RET: variants seen among roughly 807,000 people sequenced by gnomAD.
The protein encoded by RET is proto-oncogene tyrosine-protein kinase receptor Ret.
Under a neutral mutation model 118.3 loss-of-function variants are expected in RET, and 19 were observed. That is an observed-to-expected ratio of 0.16 (90% CI 0.11 to 0.24). The LOEUF (loss-of-function observed/expected upper bound fraction) is 0.24. Ranked by LOEUF, RET falls within the 10% of genes least tolerant of loss-of-function variation. The pLI is 1.00. For synonymous variants in RET, 597 were observed against 644.1 expected, an observed-to-expected ratio of 0.93 and a Z score of 1.11; for missense variants, 1,219 against 1,502.1, an observed-to-expected ratio of 0.81 and a Z score of 3.12.
Position 43,113,588 on chromosome 10 carries a change from G to A in RET, c.1792G>A (p.Glu598Lys), listed in dbSNP as rs2132827786. The change falls in exon 10 of 20, where the codon GAG becomes AAG. Residue 598 changes from glutamate to lysine, a missense_variant. Transcript: ENST00000355710. The stretch of plus-strand genomic sequence containing the variant: ...CATTGTTGGGGGACACGAGCCTGGG[G>A]AGCCCCGGGGGATTAAAGCTGGCTA... ...GSIVGGHEPG[E>K]PRGIKAGYGT... The A allele has an allele frequency of 1.9e-6, 3 of 1,611,502 alleles. No homozygotes were observed. The highest frequency in any genetic ancestry group is 2.5e-6 in the Non-Finnish European group (3 of 1,179,274).
In RET at chr10:43,100,461, G is replaced by T. The variant is rs1554817350; in HGVS notation, c.76G>T (p.Ala26Ser). 6.2e-7 allele frequency: 1 copy of T among 1,613,332 alleles called. No homozygotes were observed. Among genetic ancestry groups the T allele is most frequent in the Non-Finnish European group, 8.5e-7 (1 of 1,179,986 alleles). The change falls in exon 2 of 20, where the codon GCA becomes TCA. Residue 26 changes from alanine to serine, a missense_variant and splice_region_variant. This residue lies in a region of RET where 38 missense variants were observed against 33.1 expected (regional missense o/e 1.15). Coordinates refer to ENST00000355710, the MANE Select transcript of RET (RefSeq NM_020975.6). ...ACTCACTTCCCTACTTCCCACAGTG[G>T]CATTGGGCCTCTACTTCTCGAGGGA... The part of the protein sequence containing the change: ...LLLLPLLGKV[A>S]LGLYFSRDAY...
At chr10:43,102,653 G>A (rs771785904) in intron 3 of RET, 24 bp downstream of exon 3, 16 of 1,613,010 alleles carry the variant, frequency 9.9e-6, no homozygotes, top group Admixed American at 3.3e-5. Flanking sequence ...TTGTGGGGCC[G>A]CCCCACAGTG....
intron 1 of RET, among the ~76,000 whole-genome samples, chr10:43,099,017 G>A (rs1352441202): frequency 6.6e-6 from 1 of 152,132 alleles, no homozygotes; most frequent in Non-Finnish European, 1.5e-5. Context: ...CACCGACAAT[G>A]TACATGAGTT....
rs3026780 is a variant in RET at position 43,123,414 on chromosome 10, G to A, written c.2802-257G>A. On this transcript the variant is annotated intron_variant, in intron 16 of 19. Transcript: ENST00000355710. The stretch of plus-strand genomic sequence containing the variant: ...CTTAAGCCTCATGTGTCCCTTGTGC[G>A]TGTGGCTGCTCTGATGGGAGTGGCT... Among the ~76,000 whole-genome samples, 676 of 152,274 alleles carry A rather than the reference G, an allele frequency of 4.4e-3. 3 individuals carry two copies. Among genetic ancestry groups the A allele is most frequent in the Non-Finnish European group, 8.1e-3 (552 of 68,018 alleles).
At chr10:43,078,363 A>C (rs969864857) in intron 1 of RET, among the ~76,000 whole-genome samples, 1 of 152,186 alleles carries the variant, frequency 6.6e-6, no homozygotes, top group Non-Finnish European at 1.5e-5. Context: ...AGAAGAAGCC[A>C]TGGTCAGTCA....
At chr10:43,078,297 G>A (rs1588849315) in intron 1 of RET, among the ~76,000 whole-genome samples, 1 of 152,180 alleles carries the variant, frequency 6.6e-6, no homozygotes, top group Admixed American at 6.5e-5. Flanking sequence ...AAGGAGCCCT[G>A]GCCATCCTCC....
chr10:43,130,231 T>C lies in RET; in HGVS notation c.*1962T>C. On this transcript the variant is annotated 3_prime_UTR_variant, in exon 20 of 20. Coordinates refer to ENST00000355710, the MANE Select transcript of RET (RefSeq NM_020975.6). The stretch of plus-strand genomic sequence containing the variant: ...TTACTGAGTATTAAGTAGTAATCTG[T>C]CAGTTATTAAAATTTGTAAAATCTA... 1 of 391,340 alleles carries C rather than the reference T, an allele frequency of 2.6e-6. No individual in the cohort carries two copies. The allele number at this position is 391,340 out of a possible 1,614,324, so 24.2% of individuals were successfully genotyped here.
At position 43,119,735 on chromosome 10, in the gene RET, C is replaced by A. The variant is rs2132951317; in HGVS notation, c.2597C>A (p.Ala866Asp). Residue 866 changes from alanine (A) to aspartate (D), a missense_variant, in exon 14 of 20, where the codon GCC (alanine) becomes GAC (aspartate). By Grantham distance (126) the Ala-to-Asp change is moderately radical. Transcript: ENST00000355710. ...ATCTCACAGGGGATGCAGTATCTGG[C>A]CGAGATGAAGGTGCGTGCATATGGC... ...WQISQGMQYL[A>D]EMKLVHRDLA... is the part of the protein sequence containing the mutation. 6.2e-7 allele frequency: 1 copy of A among 1,613,212 alleles called. No homozygotes were observed.
At chr10:43,102,125 ATG>A (rs1011942508) in intron 2 of RET, among the ~76,000 whole-genome samples, 1 of 152,234 alleles carries the variant, frequency 6.6e-6, no homozygotes, top group African/African-American at 2.4e-5. Context: ...CAAGAACTGA[ATG>A]ATGAGAGCTA....
At chr10:43,125,167 G>A (rs868393106) in intron 18 of RET, among the ~76,000 whole-genome samples, 185 bp downstream of exon 18, 42 of 152,320 alleles carry the variant, frequency 2.8e-4, no homozygotes, top group African/African-American at 8.7e-4. Context: ...AGGCCAGGCC[G>A]CTTGGGCTTC....
chr10:43,109,067 A>G lies in RET; in HGVS notation c.1100A>G (p.Asn367Ser), dbSNP rs763759702. 1.2e-6 allele frequency: 2 copies of G among 1,613,686 alleles called. No individual in the cohort carries two copies. The highest frequency in any genetic ancestry group is 1.7e-6 in the Non-Finnish European group (2 of 1,180,010). The change falls in exon 6 of 20, where the codon AAC becomes AGC. Residue 367 changes from asparagine to serine, a missense_variant. By Grantham distance (46) the Asn-to-Ser change is conservative (BLOSUM62 1). Transcript: ENST00000355710. The stretch of plus-strand genomic sequence containing the variant: ...AACCGGAACCTCTCCATCTCGGAGA[A>G]CCGCACCATGCAGCTGGCGGTGCTG... ...VLNRNLSISE[N>S]RTMQLAVLVN...
intron 16 of RET, among the ~76,000 whole-genome samples, chr10:43,122,312 C>T (rs560137569): frequency 6.6e-6 from 1 of 152,212 alleles, no homozygotes; most frequent in Admixed American, 6.5e-5. Context: ...CCATGCCTCC[C>T]TCTGGGTCCC....
chr10:43,119,818 C>T (rs1167090338), intron 14 of RET, 73 bp downstream of exon 14: 1 of 1,486,820 alleles, frequency 6.7e-7, no homozygotes, highest in East Asian at 2.4e-5. Context: ...CCCTGCCACC[C>T]ACACCCTGGC....
chr10:43,109,266 G>T, intron 6 of RET, 36 bp downstream of exon 6: 1 of 1,600,304 alleles, frequency 6.2e-7, no homozygotes. Flanking sequence ...GGGGAAGATT[G>T]AAAGGCCAAG....
Position 43,102,586 on chromosome 10 carries a change from G to A in RET, c.582G>A (p.Gln194=), listed in dbSNP as rs368116579. Residue 194 remains glutamine, a synonymous_variant, in exon 3 of 20, where the codon CAG becomes CAA. Coordinates refer to ENST00000355710, the MANE Select transcript of RET (RefSeq NM_020975.6). ...TFHQFRLLPV[Q]FLCPNISVAY... ...ACCAGTTCCGCCTGCTGCCTGTGCA[G>A]TTCTTGTGCCCCAACATCAGCGTGG... 26 of 1,614,114 alleles carry A rather than the reference G, an allele frequency of 1.6e-5. No individual in the cohort carries two copies. Among genetic ancestry groups the A allele is most frequent in the South Asian group, 7.7e-5 (7 of 91,086 alleles).
intron 1 of RET, among the ~76,000 whole-genome samples, chr10:43,079,490 G>A (rs1015376897): frequency 1.3e-5 from 2 of 152,224 alleles, no homozygotes; most frequent in Non-Finnish European, 2.9e-5. Flanking sequence ...GCATTTCATT[G>A]CTCAACACAG....
In RET at chr10:43,118,492, T is replaced by C. The variant is rs2132932686; in HGVS notation, c.2392+12T>C. ...CTGCAGCCAGGATGGTAAGGCCAGC[T>C]GCAGGGTGAGGTGGGCAGCCACTGC... On this transcript the variant is annotated intron_variant, in intron 13 of 19. Transcript: ENST00000355710. The C allele has an allele frequency of 6.2e-7, 1 of 1,606,150 alleles. No individual in the cohort carries two copies. Among genetic ancestry groups the C allele is most frequent in the East Asian group, 2.2e-5 (1 of 44,856 alleles).
At chr10:43,077,511 A>ACGCCTCGGGCCGGG (rs1206313197) in intron 1 of RET, among the ~76,000 whole-genome samples, 180 bp downstream of exon 1, 3 of 107,630 alleles carry the variant, frequency 2.8e-5, no homozygotes, top group South Asian at 3.2e-4. Flanking sequence ...GAAGGGCAGG[A>ACGCCTCGGGCCGGG]CGCCTCGGGC....
At position 43,088,180 on chromosome 10, in the gene RET, ATGG is replaced by A. The variant is rs1166873056; in HGVS notation, c.73+10858_73+10860del. On this transcript the variant is annotated intron_variant, in intron 1 of 19. Transcript: ENST00000355710. ...GATGGTGCTGGTGGAGGCAACGGTG[ATGG>A]TGGTGGTGATGGTGAAGACGGTGGT... Among the ~76,000 whole-genome samples the A allele has an allele frequency of 1.1e-4, 15 of 139,534 alleles. 1 individual carries two copies. Among genetic ancestry groups the A allele is most frequent in the African/African-American group, 3.3e-4 (12 of 36,740 alleles). 91.5% of individuals were successfully genotyped at this position (139,534 alleles called of 152,430 possible). A position where few individuals can be genotyped will look rare whatever the true frequency, so the allele number is the denominator to read the frequency against.
Sources: allele counts gnomAD v4.1 joint callset (sites outside exome capture counted in the v4.1 genomes callset), GRCh38; gene constraint gnomAD v4.1.1; regional missense constraint gnomAD v4.1.1; transcripts MANE v1.5; gene names NCBI Gene and HGNC (gene_info 2026-07-23, HGNC 2026-07-21).